Variants in VWA3A observed in about 807,000 individuals in gnomAD.
The protein encoded by VWA3A is von Willebrand factor A domain-containing protein 3A.
VWA3A carries 134 observed loss-of-function variants against 160.4 expected under a neutral mutation model. The observed-to-expected ratio is 0.84, with a 90% CI of 0.73 to 0.96. The LOEUF is 0.96. Among genes scored for constraint, VWA3A ranks in the 40% least tolerant of loss-of-function variants. The pLI, the probability that VWA3A is intolerant of heterozygous loss-of-function variation, is 0.00. For missense variants in VWA3A, 1,310 were observed against 1,447.9 expected, an observed-to-expected ratio of 0.90 and a Z score of 1.55; for synonymous variants, 476 against 543.4, an observed-to-expected ratio of 0.88 and a Z score of 1.72.
chr16:22,131,793 G>T (rs2045954448), intron 19 of VWA3A, 64 bp downstream of exon 19: 8 of 1,541,370 alleles, frequency 5.2e-6, no homozygotes, highest in Non-Finnish European at 7.0e-6. Context: ...CCCCCAGGTG[G>T]ATACCTTGCC....
intron 20 of VWA3A, among the ~76,000 whole-genome samples, chr16:22,133,359 TAAAAG>T (rs2045982684): frequency 6.6e-6 from 1 of 152,164 alleles, no homozygotes; most frequent in East Asian, 1.9e-4. Context: ...TTTTTTAACT[TAAAAG>T]AAGTAGGCCA....
rs751874162 is a variant in VWA3A, at chr16:22,134,865, A to G, written c.2139+427A>G. On this transcript the variant is annotated intron_variant, in intron 21 of 33. Transcript: ENST00000389398. ...ACTAAGAGAACTGGATAGATAGGAT[A>G]GATAAAAGGATTCTTGTTAAACAGG... Among the ~76,000 whole-genome samples, 25 of 152,184 alleles carry G rather than the reference A, an allele frequency of 1.6e-4. 1 individual carries two copies. The highest frequency in any genetic ancestry group is 3.5e-4 in the Non-Finnish European group (24 of 68,036).
At chr16:22,133,418 A>T (rs1226542714) in intron 20 of VWA3A, among the ~76,000 whole-genome samples, 1 of 152,146 alleles carries the variant, frequency 6.6e-6, no homozygotes. Context: ...TTGAGAGGCC[A>T]ACGTGGTCAG....
Position 22,092,554 on chromosome 16 carries a change from G to A in VWA3A, c.-84G>A, listed in dbSNP as rs1392238018. 1.3e-6 allele frequency: 2 copies of A among 1,525,252 alleles called. No individual in the cohort carries two copies. Among genetic ancestry groups the A allele is most frequent in the Middle Eastern group, 1.7e-4 (1 of 5,846 alleles). The allele number at this position is 1,525,252 out of a possible 1,614,324, so 94.5% of individuals were successfully genotyped here. On this transcript the variant is annotated 5_prime_UTR_variant, in exon 1 of 34. Transcript: ENST00000389398. The stretch of plus-strand genomic sequence containing the variant: ...AGCTTCGCTGCTGAGTTGCTTGGAG[G>A]AGCTTGGAGAAACCAGAAGTGAGAT...
chr16:22,131,281 T>C lies in VWA3A; in HGVS notation c.1727+2T>C, dbSNP rs80075952. 5.2e-4 allele frequency: 843 copies of C among 1,613,800 alleles called. 5 individuals carry two copies. In the African/African-American group the frequency reaches 9.4e-3, roughly 18 times the overall value. The stretch of plus-strand genomic sequence containing the variant: ...CAACAATTTACAAAGTGCCTGGCGG[T>C]AGGTTATGGGCAGAGACTTCGTGGG... On this transcript the variant is annotated splice_donor_variant, in intron 18 of 33. Transcript: ENST00000389398. LOFTEE classifies it high-confidence loss of function.
intron 9 of VWA3A, chr16:22,116,209 G>T (rs1463188696): frequency 1.7e-5 from 6 of 355,492 alleles, no homozygotes; most frequent in African/African-American, 1.4e-4. Flanking sequence ...AGAAAGGAAA[G>T]AAGGAAGAGA....
At chr16:22,096,051 C>G (rs1019034054) in intron 1 of VWA3A, among the ~76,000 whole-genome samples, 1 of 152,136 alleles carries the variant, frequency 6.6e-6, no homozygotes, top group Non-Finnish European at 1.5e-5. Flanking sequence ...TAAGCAATGT[C>G]TAGAGACATT....
At position 22,146,252 on chromosome 16, in the gene VWA3A, T is replaced by C. The variant is rs1267922173; in HGVS notation, c.2747T>C (p.Ile916Thr). The C allele has an allele frequency of 1.9e-6, 3 of 1,613,450 alleles. No homozygotes were observed. Among genetic ancestry groups the C allele is most frequent in the Non-Finnish European group, 2.5e-6 (3 of 1,179,640 alleles). Residue 916 changes from isoleucine (I) to threonine (T), a missense_variant, in exon 27 of 34, where the codon ATC becomes ACC. Ile to Thr is a moderately conservative substitution (Grantham distance 89, BLOSUM62 -1). Transcript: ENST00000389398. ...SVEIHGVVRH[I>T]QWTPREMEVY... ...TTAACCCAGGGAGTGGTGAGACACA[T>C]CCAGTGGACGCCCAGGGAGATGGAG...
intron 25 of VWA3A, 34 bp from the exon 26 acceptor site, chr16:22,144,213 G>T (rs1220165222): frequency 1.3e-6 from 2 of 1,586,876 alleles, no homozygotes; most frequent in African/African-American, 2.7e-5. Context: ...AGTCTGAATT[G>T]CCTAAGATAA....
Position 22,095,956 on chromosome 16 carries a change from T to C in VWA3A, c.15-903T>C, listed in dbSNP as rs556651958. On this transcript the variant is annotated intron_variant, in intron 1 of 33. Transcript: ENST00000389398. ...TAGTTTTTTAATATCAGTCTCCCCC[T>C]CTAGAATATAAGCGCTGGGAGGACA... 1.2e-4 allele frequency among the ~76,000 whole-genome samples: 19 copies of C among 152,252 alleles called. No individual in the cohort carries two copies. The East Asian group carries it at 3.5e-3, about 28-fold the overall frequency.
chr16:22,101,470 G>A (rs958705446), intron 5 of VWA3A, among the ~76,000 whole-genome samples: 4 of 152,110 alleles, frequency 2.6e-5, no homozygotes, highest in South Asian at 2.1e-4. Flanking sequence ...AGACATACCC[G>A]AGACTGGGCA....
chr16:22,148,117 A>AC (rs1204443317), intron 27 of VWA3A, 45 bp from the exon 28 acceptor site: 2 of 1,536,974 alleles, frequency 1.3e-6, no homozygotes, highest in African/African-American at 1.4e-5. Context: ...AGGAGGAGGG[A>AC]CCCCTCACTC....
intron 31 of VWA3A, among the ~76,000 whole-genome samples, chr16:22,154,960 C>CAAAAAAAAAAAAAAAAAAAAA (rs747770335): frequency 1.8e-5 from 1 of 54,434 alleles, no homozygotes; most frequent in Non-Finnish European, 3.8e-5. Context: ...GACTCCGTCT[C>CAAAAAAAAAAAAAAAAAAAAA]AAAAAAAAAA....
chr16:22,147,616 G>A (rs1175248970), intron 27 of VWA3A: 1 of 703,326 alleles, frequency 1.4e-6, no homozygotes, highest in Non-Finnish European at 2.6e-6. Flanking sequence ...TCCATGGACA[G>A]GGGCGTCATG....
rs2046119133 is a variant in VWA3A at position 22,140,150 on chromosome 16, C to T, written c.2293-4C>T. ...TCTGATGGGAAAGATTGCCTGTTTTCTAGAGCATTAAAGATGACCCTGACA... is the reference window on the plus strand; with the variant it reads ...TCTGATGGGAAAGATTGCCTGTTTTTTAGAGCATTAAAGATGACCCTGACA... On this transcript the variant is annotated splice_polypyrimidine_tract_variant and splice_region_variant and intron_variant, in intron 22 of 33. Coordinates refer to ENST00000389398, the MANE Select transcript of VWA3A (RefSeq NM_173615.5). The T allele has an allele frequency of 1.9e-6, 3 of 1,612,726 alleles. No individual in the cohort carries two copies. Among genetic ancestry groups the T allele is most frequent in the Non-Finnish European group, 2.5e-6 (3 of 1,179,298 alleles).
intron 8 of VWA3A, among the ~76,000 whole-genome samples, chr16:22,111,638 C>T (rs2045553138): frequency 6.6e-6 from 1 of 152,116 alleles, no homozygotes; most frequent in African/African-American, 2.4e-5. Flanking sequence ...TGCACTACCA[C>T]GCCCAGCTAA....
chr16:22,150,073 A>G (rs909484049), intron 29 of VWA3A, 142 bp downstream of exon 29: 9 of 1,241,988 alleles, frequency 7.2e-6, no homozygotes, highest in Non-Finnish European at 7.6e-6. Flanking sequence ...CCAACACCCG[A>G]GTGAGAAAAG....
intron 25 of VWA3A, among the ~76,000 whole-genome samples, chr16:22,143,991 C>G (rs367832817): frequency 6.6e-6 from 1 of 151,784 alleles, no homozygotes. Context: ...TGAGAACCAC[C>G]GCTGTCAGCC....
At chr16:22,096,346 C>T (rs1056559865) in intron 1 of VWA3A, among the ~76,000 whole-genome samples, 5 of 152,168 alleles carry the variant, frequency 3.3e-5, no homozygotes, top group African/African-American at 9.7e-5. Context: ...CTCTTATAAT[C>T]CCATGACTTA....
Sources: gnomAD v4.1 joint callset for allele counts (sites outside exome capture counted in the v4.1 genomes callset) on GRCh38, gnomAD v4.1.1 for gene constraint, MANE v1.5 for transcripts, NCBI Gene and HGNC (gene_info 2026-07-23, HGNC 2026-07-21) for gene names.